VPS13B: variants seen among roughly 807,000 people sequenced by gnomAD.
VPS13B encodes vacuolar protein sorting 13 homolog B.
Under a neutral mutation model 426.4 loss-of-function variants are expected in VPS13B, and 285 were observed. That is an observed-to-expected ratio of 0.67 (90% CI 0.61 to 0.74). The LOEUF (loss-of-function observed/expected upper bound fraction) is 0.74. Among genes scored for constraint, VPS13B ranks in the 30% least tolerant of loss-of-function variants. The pLI is 0.00. For missense variants in VPS13B, 4,537 were observed against 4,782.6 expected (o/e 0.95, Z 1.51); for synonymous variants, 1,676 against 1,676.4 (o/e 1.00, Z 0.01).
At chr8:99,437,876 A>G (rs368880292) in intron 22 of VPS13B, among the ~76,000 whole-genome samples, 28 of 152,286 alleles carry the variant, frequency 1.8e-4, no homozygotes, top group Admixed American at 5.2e-4. Flanking sequence ...ATAATTGGCA[A>G]TAGTATGTAG....
intron 25 of VPS13B, among the ~76,000 whole-genome samples, chr8:99,485,480 T>G (rs1820253968): frequency 1.3e-5 from 2 of 152,194 alleles, no homozygotes; most frequent in Admixed American, 6.5e-5. Context: ...ATGGATTACC[T>G]TGGCCTTTAG....
intron 29 of VPS13B, among the ~76,000 whole-genome samples, chr8:99,518,102 C>T (rs1822184764): frequency 6.6e-6 from 1 of 151,896 alleles, no homozygotes; most frequent in South Asian, 2.1e-4. Context: ...GAATTCTGTT[C>T]TTGGATCTGG....
Position 99,016,740 on chromosome 8 carries a change from G to A in VPS13B, c.147+2805G>A, listed in dbSNP as rs78294548. Among the ~76,000 whole-genome samples, 958 of 151,658 alleles carry A rather than the reference G, an allele frequency of 6.3e-3. 8 individuals carry two copies. Among genetic ancestry groups the A allele is most frequent in the African/African-American group, 0.022 (892 of 41,322 alleles). ...CCGAGTAACTGGACTGCAGGCGCCC[G>A]CCACCATGCCCGGCTAATTTTTTGT... On this transcript the variant is annotated intron_variant, in intron 2 of 61. Coordinates refer to ENST00000357162, the MANE Select transcript of VPS13B (RefSeq NM_152564.5).
At chr8:99,778,360 A>G (rs1811845532) in intron 41 of VPS13B, among the ~76,000 whole-genome samples, 1 of 152,134 alleles carries the variant, frequency 6.6e-6, no homozygotes, top group Admixed American at 6.6e-5. Context: ...ATTGGTAGCT[A>G]CAGAGCAGTT....
intron 42 of VPS13B, among the ~76,000 whole-genome samples, chr8:99,781,209 A>G (rs1812005543): frequency 6.6e-6 from 1 of 152,152 alleles, no homozygotes; most frequent in Non-Finnish European, 1.5e-5. Flanking sequence ...CCTTTTATAA[A>G]TGATGACTGT....
intron 3 of VPS13B, among the ~76,000 whole-genome samples, chr8:99,087,458 A>G (rs1027063710): frequency 1.3e-5 from 2 of 151,740 alleles, no homozygotes; most frequent in African/African-American, 2.4e-5. Context: ...CGCTGCACCC[A>G]CTGTCCTGCA....
intron 3 of VPS13B, among the ~76,000 whole-genome samples, chr8:99,084,937 T>G (rs1045658688): frequency 6.6e-6 from 1 of 152,194 alleles, no homozygotes; most frequent in African/African-American, 2.4e-5. Context: ...TCTGTTGATT[T>G]GGGGTGGAGA....
At chr8:99,521,630 C>G (rs887101602) in intron 30 of VPS13B, among the ~76,000 whole-genome samples, 1 of 152,150 alleles carries the variant, frequency 6.6e-6, no homozygotes, top group Non-Finnish European at 1.5e-5. Context: ...GCACTGCTGC[C>G]AGACAGAAAA....
At chr8:99,041,598 A>T (rs1052069689) in intron 3 of VPS13B, among the ~76,000 whole-genome samples, 2 of 152,236 alleles carry the variant, frequency 1.3e-5, no homozygotes, top group Non-Finnish European at 2.9e-5. Flanking sequence ...TCACGCCTGT[A>T]ATCCCAGCAC....
intron 17 of VPS13B, among the ~76,000 whole-genome samples, chr8:99,265,906 A>G (rs1385279581): frequency 3.9e-5 from 6 of 152,182 alleles, no homozygotes; most frequent in African/African-American, 1.4e-4. Flanking sequence ...CTTGTTTGAG[A>G]GCGGCCTATT....
chr8:99,260,963 T>G (rs1818010388), intron 17 of VPS13B, among the ~76,000 whole-genome samples: 1 of 152,072 alleles, frequency 6.6e-6, no homozygotes, highest in Non-Finnish European at 1.5e-5. Flanking sequence ...AAACTTAATT[T>G]TTTTTAAGAG....
chr8:99,826,151 T>A (rs1331188707), intron 51 of VPS13B, among the ~76,000 whole-genome samples: 1 of 152,222 alleles, frequency 6.6e-6, no homozygotes, highest in East Asian at 1.9e-4. Flanking sequence ...ATCTATAAAT[T>A]ACTTTGGGCA....
At chr8:99,545,577 C>G (rs1414480418) in intron 30 of VPS13B, among the ~76,000 whole-genome samples, 1 of 152,028 alleles carries the variant, frequency 6.6e-6, no homozygotes, top group Admixed American at 6.6e-5. Context: ...AGTTTAATTG[C>G]TAGGTGATAG....
rs186215696 is a variant in VPS13B at position 99,449,659 on chromosome 8, G to A, written c.3445+7024G>A. Among the ~76,000 whole-genome samples, 4 of 152,150 alleles carry A rather than the reference G, an allele frequency of 2.6e-5. No individual in the cohort carries two copies. The East Asian group carries it at 5.8e-4, about 22-fold the overall frequency. On this transcript the variant is annotated intron_variant, in intron 23 of 61. Transcript: ENST00000357162. The stretch of plus-strand genomic sequence containing the variant: ...GAAAACTGTGAGGAAAAACTGTGAG[G>A]CACTAGTCTTATGGCTTAAGACGTA...
chr8:99,809,607 T>A, intron 44 of VPS13B, 77 bp downstream of exon 44: 1 of 1,581,350 alleles, frequency 6.3e-7, no homozygotes, highest in Non-Finnish European at 8.7e-7. Flanking sequence ...TTAATAATTT[T>A]TTTAAAATCA....
intron 31 of VPS13B, among the ~76,000 whole-genome samples, chr8:99,569,378 A>G (rs1313635894): frequency 1.3e-5 from 2 of 151,814 alleles, no homozygotes; most frequent in African/African-American, 2.4e-5. Flanking sequence ...GCAGTGAGCC[A>G]AGATCATGCC....
intron 3 of VPS13B, among the ~76,000 whole-genome samples, chr8:99,049,028 C>A (rs1843380409): frequency 1.3e-5 from 2 of 152,108 alleles, no homozygotes; most frequent in African/African-American, 4.8e-5. Flanking sequence ...CTTTCCACCC[C>A]TTTACCTTAA....
intron 30 of VPS13B, among the ~76,000 whole-genome samples, chr8:99,521,748 T>C (rs1023432393): frequency 4.6e-5 from 7 of 152,328 alleles, no homozygotes; most frequent in African/African-American, 1.7e-4. Flanking sequence ...CTCACTCTTC[T>C]AAAAAATAAA....
intron 33 of VPS13B, among the ~76,000 whole-genome samples, chr8:99,618,282 CAAAA>C (rs11301760): frequency 4.3e-5 from 5 of 117,234 alleles, no homozygotes; most frequent in African/African-American, 1.5e-4. Context: ...GTGTATATTT[CAAAA>C]AAAAAAAAAA....
Sources: allele counts gnomAD v4.1 joint callset (sites outside exome capture counted in the v4.1 genomes callset), GRCh38; gene constraint gnomAD v4.1.1; transcripts MANE v1.5; gene names NCBI Gene and HGNC (gene_info 2026-07-23, HGNC 2026-07-21).